SORBS3: variants seen among roughly 807,000 people sequenced by gnomAD.
The protein encoded by SORBS3 is sorbin and SH3 domain containing 3.
SORBS3 carries 69 observed loss-of-function variants against 98.0 expected under a neutral mutation model. The ratio of observed to expected loss-of-function variants is 0.70; its 90% CI spans 0.58 to 0.86. The LOEUF is 0.86. Among genes scored for constraint, SORBS3 ranks in the 40% least tolerant of loss-of-function variants. The pLI is 0.00. For missense variants in SORBS3, 954 were observed against 908.5 expected, an observed-to-expected ratio of 1.05 and a Z score of -0.64; for synonymous variants, 394 against 355.4, an observed-to-expected ratio of 1.11 and a Z score of -1.22.
At chr8:22,553,278 A>G (rs1459827031) in intron 1 of SORBS3, among the ~76,000 whole-genome samples, 1 of 151,902 alleles carries the variant, frequency 6.6e-6, no homozygotes, top group African/African-American at 2.4e-5. Context: ...CAACACACAC[A>G]TACACACAGC....
intron 6 of SORBS3, 62 bp from the exon 7 acceptor site, chr8:22,561,803 A>G: frequency 1.4e-6 from 2 of 1,434,738 alleles, no homozygotes; most frequent in Admixed American, 1.7e-5. Flanking sequence ...AGGCACCCTC[A>G]GCCCCAGTCA....
At chr8:22,562,659 C>T (rs1288177409) in intron 7 of SORBS3, among the ~76,000 whole-genome samples, 1 of 152,222 alleles carries the variant, frequency 6.6e-6, no homozygotes, top group Non-Finnish European at 1.5e-5. Flanking sequence ...AGCCTGTGCA[C>T]TGCCACTAGC....
In SORBS3 at chr8:22,569,206, A is replaced by G. The variant is rs755153377; in HGVS notation, c.1364A>G (p.Glu455Gly). The change falls in exon 17 of 21, where the codon GAG becomes GGG. Residue 455 changes from glutamate (E) to glycine (G), a missense_variant. Physicochemically the swap from Glu to Gly is moderately conservative, Grantham distance 98 (BLOSUM62 -2). Coordinates refer to ENST00000240123, the MANE Select transcript of SORBS3 (RefSeq NM_005775.5). ...AAGCCCCCGACCTACCAGGTGCTGG[A>G]GTATGGAGAGGCTGTGGCCCAGTAC... ...PIKPPTYQVL[E>G]YGEAVAQYTF... 1.9e-6 allele frequency: 3 copies of G among 1,610,994 alleles called. No individual in the cohort carries two copies. In the East Asian group the frequency reaches 6.7e-5, roughly 36 times the overall value.
intron 1 of SORBS3, 26 bp downstream of exon 1, chr8:22,552,048 G>A (rs2117201239): frequency 2.0e-6 from 2 of 985,334 alleles, no homozygotes; most frequent in East Asian, 1.1e-4. Context: ...GAGGGGCGGG[G>A]AGTAGGCGAG....
chr8:22,562,126 G>A (rs919031422), intron 7 of SORBS3, among the ~76,000 whole-genome samples, 195 bp downstream of exon 7: 8 of 152,242 alleles, frequency 5.3e-5, no homozygotes, highest in African/African-American at 1.7e-4. Context: ...TTCCCTACAG[G>A]GTCAAGGGGG....
chr8:22,560,006 G>A (rs1840259840), intron 5 of SORBS3, among the ~76,000 whole-genome samples: 3 of 150,618 alleles, frequency 2.0e-5, no homozygotes, highest in Middle Eastern at 3.5e-3. Context: ...GGCAGAGGTT[G>A]CAGTGAGCTG....
upstream of SORBS3, among the ~76,000 whole-genome samples, chr8:22,549,612 C>T (rs1465449818): frequency 6.6e-6 from 1 of 152,210 alleles, no homozygotes; most frequent in Non-Finnish European, 1.5e-5. Flanking sequence ...ATGGGCACCA[C>T]GGAACATGGT....
intron 8 of SORBS3, 88 bp from the exon 9 acceptor site, chr8:22,564,195 G>C: frequency 6.7e-7 from 1 of 1,488,918 alleles, no homozygotes; most frequent in South Asian, 1.2e-5. Context: ...CCCAGGGGAA[G>C]GGCAGGGGCC....
At chr8:22,555,803 A>G (rs1840171906) in intron 3 of SORBS3, among the ~76,000 whole-genome samples, 1 of 150,846 alleles carries the variant, frequency 6.6e-6, no homozygotes, top group Non-Finnish European at 1.5e-5. Flanking sequence ...GTGAGCTGAG[A>G]TCGTGCCACT....
At position 22,565,310 on chromosome 8, in the gene SORBS3, G is replaced by A; in HGVS notation, c.859G>A (p.Asp287Asn). The A allele has an allele frequency of 6.4e-7, 1 of 1,559,898 alleles. No individual in the cohort carries two copies. The highest frequency in any genetic ancestry group is 8.7e-7 in the Non-Finnish European group (1 of 1,152,264). ...GCTGGCCGAGCTGAGCGCCGAGCTG[G>A]ACAAGGACCTGCGGGCAATTGAGAC... is the stretch of plus-strand genomic sequence containing the variant. The part of the protein sequence containing the change: ...RELAELSAEL[D>N]KDLRAIETRL... The change falls in exon 11 of 21, where the codon GAC becomes AAC. Residue 287 changes from aspartate (D) to asparagine (N), a missense_variant. Transcript: ENST00000240123.
intron 7 of SORBS3, 26 bp from the exon 8 acceptor site, chr8:22,563,961 G>A: frequency 6.4e-7 from 1 of 1,574,222 alleles, no homozygotes. Flanking sequence ...AAAGGAAGCT[G>A]AAGAGATGTC....
Position 22,572,465 on chromosome 8 carries a change from AG to A in SORBS3, c.1954+24del. On this transcript the variant is annotated intron_variant, in intron 20 of 20. Coordinates refer to ENST00000240123, the MANE Select transcript of SORBS3 (RefSeq NM_005775.5). ...TTTGTGGGTATGTGGGCAGGCCGGG[AG>A]GGGGCATCTCAGGGCCCCAGGGGAT... 6.3e-7 allele frequency: 1 copy of A among 1,591,316 alleles called. No homozygotes were observed. Among genetic ancestry groups the A allele is most frequent in the Non-Finnish European group, 8.6e-7 (1 of 1,160,010 alleles).
chr8:22,555,926 T>C (rs2117220901), intron 3 of SORBS3, among the ~76,000 whole-genome samples: 1 of 152,324 alleles, frequency 6.6e-6, no homozygotes, highest in East Asian at 1.9e-4. Context: ...TGCTGGACAC[T>C]GTAAAAACAC....
At chr8:22,569,067 C>G in intron 16 of SORBS3, 81 bp from the exon 17 acceptor site, 1 of 1,418,482 alleles carries the variant, frequency 7.0e-7, no homozygotes, top group Non-Finnish European at 9.4e-7. Flanking sequence ...CCCACCTTCT[C>G]TTTGCTGTCT....
intron 6 of SORBS3, 83 bp downstream of exon 6, chr8:22,561,456 CT>C (rs753095261): frequency 6.6e-7 from 1 of 1,509,486 alleles, no homozygotes; most frequent in Non-Finnish European, 9.2e-7. Flanking sequence ...GCAGCCCCGC[CT>C]GGCTTTGGGG....
rs1218840367 is a variant in SORBS3, at chr8:22,565,316, G to A, written c.865G>A (p.Asp289Asn). The change falls in exon 11 of 21, where the codon GAC (aspartate) becomes AAC (asparagine). Residue 289 changes from aspartate to asparagine, a missense_variant. Coordinates refer to ENST00000240123, the MANE Select transcript of SORBS3 (RefSeq NM_005775.5). ...LAELSAELDK[D>N]LRAIETRLPS... ...CGAGCTGAGCGCCGAGCTGGACAAG[G>A]ACCTGCGGGCAATTGAGACCCGACT... 3.2e-6 allele frequency: 5 copies of A among 1,560,102 alleles called. No individual in the cohort carries two copies. The highest frequency in any genetic ancestry group is 2.4e-5 in the South Asian group (2 of 84,696).
chr8:22,571,641 T>G (rs1840587345), intron 18 of SORBS3, 77 bp from the exon 19 acceptor site: 1 of 1,114,568 alleles, frequency 9.0e-7, no homozygotes, highest in African/African-American at 1.5e-5. Context: ...ACGCCCATTT[T>G]GGGCCTCCTC....
At chr8:22,549,180 AGT>A (rs1448658504), upstream of SORBS3, among the ~76,000 whole-genome samples, 2 of 152,248 alleles carry the variant, frequency 1.3e-5, no homozygotes, top group Non-Finnish European at 2.9e-5. Flanking sequence ...GACAAAGGGC[AGT>A]GCCAGAGGTG....
chr8:22,561,462 T>C (rs1414544853), intron 6 of SORBS3, 89 bp downstream of exon 6: 3 of 1,459,706 alleles, frequency 2.1e-6, no homozygotes, highest in Non-Finnish European at 1.9e-6. Flanking sequence ...CCGCCTGGCT[T>C]TGGGGCTCTC....
Sources: gnomAD v4.1 joint callset for allele counts (sites outside exome capture counted in the v4.1 genomes callset) on GRCh38, gnomAD v4.1.1 for gene constraint, MANE v1.5 for transcripts, NCBI Gene and HGNC (gene_info 2026-07-23, HGNC 2026-07-21) for gene names.